Variants in TRPS1 observed in about 807,000 individuals in gnomAD.
The protein encoded by TRPS1 is transcriptional repressor GATA binding 1.
A neutral mutation model predicts 101.2 loss-of-function variants in TRPS1; 6 were observed. That is an observed-to-expected ratio of 0.06 (90% CI 0.03 to 0.12). TRPS1 has a LOEUF of 0.12. Among genes scored for constraint, TRPS1 ranks in the 10% least tolerant of loss-of-function variants. The pLI is 1.00. For missense variants in TRPS1, 1,363 were observed against 1,567.0 expected, an observed-to-expected ratio of 0.87 and a Z score of 2.20; for synonymous variants, 578 against 589.8, an observed-to-expected ratio of 0.98 and a Z score of 0.29.
rs1429606440 is a variant in TRPS1, at chr8:115,587,609, A to T, written c.2097-5T>A. 1 of 1,613,868 alleles carries T rather than the reference A, an allele frequency of 6.2e-7. No individual in the cohort carries two copies. The highest frequency in any genetic ancestry group is 8.5e-7 in the Non-Finnish European group (1 of 1,180,002). ...TTGTAGCAGCTGTGTGCTCTCCTGG[A>T]GAAGAAGAAAACAGTTACTGCAAAG... On this transcript the variant is annotated splice_region_variant and splice_polypyrimidine_tract_variant and intron_variant, in intron 4 of 6. Transcript: ENST00000395715.
At chr8:115,571,099 T>C (rs546161062) in intron 5 of TRPS1, among the ~76,000 whole-genome samples, 1 of 152,284 alleles carries the variant, frequency 6.6e-6, no homozygotes, top group African/African-American at 2.4e-5. Context: ...ATGACACAAG[T>C]GCAGATTGAT....
At chr8:115,562,237 T>C (rs114958758) in intron 5 of TRPS1, among the ~76,000 whole-genome samples, 2,106 of 152,196 alleles carry the variant, frequency 0.014, 33 homozygotes, top group African/African-American at 0.048. Context: ...TAAACGTACT[T>C]ATATCAAAGA....
At chr8:115,457,243 T>C (rs567124642) in intron 5 of TRPS1, among the ~76,000 whole-genome samples, 62 of 152,308 alleles carry the variant, frequency 4.1e-4, no homozygotes, top group African/African-American at 1.3e-3. Flanking sequence ...AAGCAAAATA[T>C]GGTATATACA....
intron 5 of TRPS1, among the ~76,000 whole-genome samples, chr8:115,536,099 C>T (rs1816312485): frequency 6.6e-6 from 1 of 151,858 alleles, no homozygotes; most frequent in Non-Finnish European, 1.5e-5. Context: ...CACTAAGGTA[C>T]GTGTTACCAA....
intron 5 of TRPS1, among the ~76,000 whole-genome samples, chr8:115,492,002 G>A (rs1815034751): frequency 6.6e-6 from 1 of 152,014 alleles, no homozygotes; most frequent in Admixed American, 6.6e-5. Context: ...TACCCAGGAG[G>A]ACTTGATGAT....
chr8:115,601,625 C>A (rs944218137), intron 4 of TRPS1, among the ~76,000 whole-genome samples: 1 of 152,158 alleles, frequency 6.6e-6, no homozygotes, highest in Non-Finnish European at 1.5e-5. Context: ...GCCCTATGGA[C>A]AAGTGCTATT....
intron 1 of TRPS1, chr8:115,668,155 G>T: frequency 1.8e-6 from 1 of 559,178 alleles, no homozygotes; most frequent in South Asian, 2.1e-5. Context: ...AGGGGCTACT[G>T]CAGTTTGAAG....
intron 5 of TRPS1, among the ~76,000 whole-genome samples, chr8:115,569,213 C>T (rs1388311038): frequency 6.6e-6 from 1 of 151,990 alleles, no homozygotes; most frequent in African/African-American, 2.4e-5. Flanking sequence ...CCAATCCTGG[C>T]AGGCAATAAA....
At chr8:115,637,264 A>G (rs1407521160) in intron 1 of TRPS1, 23 of 985,332 alleles carry the variant, frequency 2.3e-5, no homozygotes, top group Non-Finnish European at 2.8e-5. Context: ...GGTTAATAAG[A>G]CAGAATCTTG....
At chr8:115,452,479 T>C (rs1813900057) in intron 5 of TRPS1, among the ~76,000 whole-genome samples, 2 of 151,854 alleles carry the variant, frequency 1.3e-5, no homozygotes. Context: ...AATGGGGGGG[T>C]CTCTTGTTTG....
Position 115,540,894 on chromosome 8 carries a change from T to A in TRPS1, c.2700+46107A>T, listed in dbSNP as rs886530740. 9.5e-4 allele frequency among the ~76,000 whole-genome samples: 145 copies of A among 152,172 alleles called. 1 individual carries two copies. Among genetic ancestry groups the A allele is most frequent in the African/African-American group, 3.4e-3 (143 of 41,550 alleles). ...AAATTTTCAAATGCTTATGATCTTTTCCCCAATCTGCTACAATTATCTCAC... is the reference window on the plus strand; with the variant it reads ...AAATTTTCAAATGCTTATGATCTTTACCCCAATCTGCTACAATTATCTCAC... On this transcript the variant is annotated intron_variant, in intron 5 of 6. Coordinates refer to ENST00000395715, the MANE Select transcript of TRPS1 (RefSeq NM_014112.5).
At chr8:115,555,953 G>A (rs1816809428) in intron 5 of TRPS1, among the ~76,000 whole-genome samples, 1 of 152,104 alleles carries the variant, frequency 6.6e-6, no homozygotes, top group Non-Finnish European at 1.5e-5. Flanking sequence ...GAGCCTGGGA[G>A]GAGGGAGGCT....
At position 115,554,882 on chromosome 8, in the gene TRPS1, G is replaced by A. The variant is rs187184443; in HGVS notation, c.2700+32119C>T. Among the ~76,000 whole-genome samples, 11 of 152,176 alleles carry A rather than the reference G, an allele frequency of 7.2e-5. No homozygotes were observed. In the East Asian group the frequency reaches 1.9e-3, roughly 27 times the overall value. On this transcript the variant is annotated intron_variant, in intron 5 of 6. Transcript: ENST00000395715. ...GTGTGAAGAGGGAGATGAGAGGCCC[G>A]GGGGTAGGTGAGGAGAAGGACAAAG...
intron 5 of TRPS1, among the ~76,000 whole-genome samples, chr8:115,580,683 A>T (rs555925613): frequency 6.6e-6 from 1 of 152,304 alleles, no homozygotes; most frequent in African/African-American, 2.4e-5. Context: ...ACTAAGATAC[A>T]TCTGCTTCAC....
chr8:115,645,830 G>T (rs980612104), intron 1 of TRPS1, among the ~76,000 whole-genome samples: 1 of 151,970 alleles, frequency 6.6e-6, no homozygotes, highest in African/African-American at 2.4e-5. Context: ...CCTTGAACTC[G>T]GCACTATTGA....
At chr8:115,652,042 G>A (rs183460991) in intron 1 of TRPS1, among the ~76,000 whole-genome samples, 21 of 152,224 alleles carry the variant, frequency 1.4e-4, no homozygotes, top group Non-Finnish European at 2.6e-4. Flanking sequence ...ATTTCATTTG[G>A]ATAAAAACCT....
chr8:115,604,324 G>A lies in TRPS1; in HGVS notation c.1645C>T (p.His549Tyr). 1 of 1,614,056 alleles carries A rather than the reference G, an allele frequency of 6.2e-7. No individual in the cohort carries two copies. The highest frequency in any genetic ancestry group is 8.5e-7 in the Non-Finnish European group (1 of 1,179,978). The change falls in exon 4 of 7, where the codon CAT (histidine) becomes TAT (tyrosine). Residue 549 changes from histidine (H) to tyrosine (Y), a missense_variant. His to Tyr is a moderately conservative substitution (Grantham distance 83). Around this residue, in one of 5 missense-constraint regions of TRPS1, gnomAD observed 1,020 missense variants for 1,073.0 expected, o/e 0.95. Transcript: ENST00000395715. The surrounding 1 kb of genome is among the most constrained non-coding windows in gnomAD (Gnocchi z 4.1). The stretch of plus-strand genomic sequence containing the variant: ...CCCACTACAATTACATCAGGGCCAT[G>A]GCTTTTGGAATATCGGAAGTCACAG... ...QFCDFRYSKS[H>Y]GPDVIVVGPL...
In TRPS1 at chr8:115,657,848, A is replaced by C. The variant is rs568743989; in HGVS notation, c.-122+10697T>G. ...CTACTCAATAGCAAACAATAAAATA[A>C]AATAAAATAAAGTATGTAAGCTTTT... is the stretch of plus-strand genomic sequence containing the variant. On this transcript the variant is annotated intron_variant, in intron 1 of 6. Transcript: ENST00000395715. Among the ~76,000 whole-genome samples the C allele has an allele frequency of 2.0e-3, 306 of 152,240 alleles. 1 individual carries two copies. The highest frequency in any genetic ancestry group is 7.2e-3 in the African/African-American group (301 of 41,564).
chr8:115,650,507 C>A (rs1265530224), intron 1 of TRPS1, among the ~76,000 whole-genome samples: 1 of 152,084 alleles, frequency 6.6e-6, no homozygotes, highest in Non-Finnish European at 1.5e-5. Flanking sequence ...TTTTCCAGAG[C>A]TGTTTAAAGT....
Sources: gnomAD v4.1 joint callset for allele counts (sites outside exome capture counted in the v4.1 genomes callset) on GRCh38, gnomAD v4.1.1 for gene constraint, gnomAD v4.1.1 regional missense constraint, Gnocchi (gnomAD v3.1) non-coding constraint, MANE v1.5 for transcripts, NCBI Gene and HGNC (gene_info 2026-07-23, HGNC 2026-07-21) for gene names.